ENTREP2: variants seen among roughly 807,000 people sequenced by gnomAD.
ENTREP2 encodes protein ENTREP2.
chr15:29,367,050 T>C, the ENTREP2 span, among the ~76,000 whole-genome samples: 2 of 152,202 alleles, frequency 1.3e-5, no homozygotes, highest in Non-Finnish European at 2.9e-5. Flanking sequence ...AATAACTGAA[T>C]GAAATGGTTA....
At chr15:29,231,939 G>A in the ENTREP2 span, among the ~76,000 whole-genome samples, 3 of 138,648 alleles carry the variant, frequency 2.2e-5, no homozygotes, top group African/African-American at 5.1e-5. Flanking sequence ...TGCCCAGGCC[G>A]GAGTGAGTGG....
chr15:29,510,580 C>T, the ENTREP2 span, among the ~76,000 whole-genome samples: 3 of 151,860 alleles, frequency 2.0e-5, no homozygotes, highest in East Asian at 1.9e-4. Flanking sequence ...CCGAGGCGGG[C>T]GGATCACGAG....
chr15:29,127,726 G>C, the ENTREP2 span, among the ~76,000 whole-genome samples: 32 of 152,168 alleles, frequency 2.1e-4, no homozygotes, highest in African/African-American at 7.7e-4. Context: ...CAGCCCTGCT[G>C]AATTCTGGGT....
the ENTREP2 span, among the ~76,000 whole-genome samples, chr15:29,627,515 C>A: frequency 4.0e-5 from 6 of 149,082 alleles, no homozygotes; most frequent in Non-Finnish European, 1.5e-5. Flanking sequence ...TGCACTCCAG[C>A]CTGGTGACAG....
chr15:29,421,938 A>C, the ENTREP2 span, among the ~76,000 whole-genome samples: 1 of 152,210 alleles, frequency 6.6e-6, no homozygotes, highest in Non-Finnish European at 1.5e-5. Flanking sequence ...CCAGATGCTA[A>C]AGACAGCATG....
chr15:29,428,038 C>T, the ENTREP2 span, among the ~76,000 whole-genome samples: 2 of 152,070 alleles, frequency 1.3e-5, no homozygotes, highest in Non-Finnish European at 2.9e-5. Context: ...TAAAATATTG[C>T]AGTATGTACC....
the ENTREP2 span, among the ~76,000 whole-genome samples, chr15:29,289,197 A>T: frequency 6.7e-6 from 1 of 149,770 alleles, no homozygotes; most frequent in Non-Finnish European, 1.5e-5. Context: ...ACAGAGGGAG[A>T]CCCTGTCTCA....
At chr15:29,566,331 T>C in the ENTREP2 span, among the ~76,000 whole-genome samples, 3 of 151,152 alleles carry the variant, frequency 2.0e-5, no homozygotes, top group South Asian at 4.2e-4. Flanking sequence ...GCTAGTTTTT[T>C]GTATTGTTTT....
chr15:29,170,629 A>C, the ENTREP2 span, among the ~76,000 whole-genome samples: 1 of 152,002 alleles, frequency 6.6e-6, no homozygotes, highest in Non-Finnish European at 1.5e-5. Flanking sequence ...CTGTGACAGG[A>C]TCATTTTAAA....
At chr15:29,342,581 G>C in the ENTREP2 span, among the ~76,000 whole-genome samples, 1 of 152,040 alleles carries the variant, frequency 6.6e-6, no homozygotes, top group African/African-American at 2.4e-5. Context: ...TGGTTGGGGG[G>C]GCATTTTACA....
At chr15:29,529,935 CAG>C in the ENTREP2 span, among the ~76,000 whole-genome samples, 6 of 152,116 alleles carry the variant, frequency 3.9e-5, no homozygotes, top group Admixed American at 3.3e-4. Context: ...TAAAGACAAA[CAG>C]AGCTAAAATG....
the ENTREP2 span, among the ~76,000 whole-genome samples, chr15:29,385,122 T>C: frequency 6.6e-6 from 1 of 152,148 alleles, no homozygotes; most frequent in African/African-American, 2.4e-5. Context: ...TAAACTCAGA[T>C]TGAACGCCTT....
At chr15:29,512,356 A>T in the ENTREP2 span, among the ~76,000 whole-genome samples, 10 of 152,218 alleles carry the variant, frequency 6.6e-5, 1 homozygote, top group East Asian at 1.2e-3. Flanking sequence ...AAATAGAAAC[A>T]TTTCAGCTTA....
chr15:29,239,397 C>T, the ENTREP2 span, among the ~76,000 whole-genome samples: 3 of 152,290 alleles, frequency 2.0e-5, no homozygotes, highest in East Asian at 3.9e-4. Flanking sequence ...GTCAAGTTCA[C>T]CAATCAGAAA....
At chr15:29,155,042 G>A in the ENTREP2 span, among the ~76,000 whole-genome samples, 1 of 151,730 alleles carries the variant, frequency 6.6e-6, no homozygotes, top group African/African-American at 2.4e-5. Flanking sequence ...CAGCACTTTG[G>A]GAGGCCAAGG....
At chr15:29,355,310 T>C in the ENTREP2 span, among the ~76,000 whole-genome samples, 1 of 152,110 alleles carries the variant, frequency 6.6e-6, no homozygotes, top group East Asian at 1.9e-4. Context: ...GGATACTGAG[T>C]ATGAAGTGCT....
At chr15:29,264,338 T>C in the ENTREP2 span, among the ~76,000 whole-genome samples, 1 of 152,038 alleles carries the variant, frequency 6.6e-6, no homozygotes, top group African/African-American at 2.4e-5. Context: ...TTAATGATAA[T>C]AAGAGACCCA....
At chr15:29,309,753 C>T in the ENTREP2 span, among the ~76,000 whole-genome samples, 1 of 148,480 alleles carries the variant, frequency 6.7e-6, no homozygotes, top group South Asian at 2.1e-4. Flanking sequence ...CATGCCACTG[C>T]ACTCCAGCCT....
the ENTREP2 span, chr15:29,268,767 C>CG: frequency 6.3e-7 from 1 of 1,576,418 alleles, no homozygotes; most frequent in African/African-American, 1.4e-5. Flanking sequence ...ACCCTTGTCC[C>CG]GGGGGTCCCT....
Sources: gnomAD v4.1 joint callset for allele counts (sites outside exome capture counted in the v4.1 genomes callset) on GRCh38, gnomAD v4.1.1 for gene constraint, MANE v1.5 for transcripts, NCBI Gene and HGNC (gene_info 2026-07-23, HGNC 2026-07-21) for gene names.